The following SIN3B variants were observed in gnomAD, a reference collection of about 807,000 sequenced individuals.
SIN3B encodes the protein SIN3 transcription regulator family member B, also known as paired amphipathic helix protein Sin3b.
SIN3B carries 19 observed loss-of-function variants against 120.2 expected under a neutral mutation model. The observed-to-expected ratio is 0.16, with a 90% CI of 0.11 to 0.23. The LOEUF (loss-of-function observed/expected upper bound fraction) is 0.23. Among genes scored for constraint, SIN3B ranks in the 10% least tolerant of loss-of-function variants. SIN3B has a pLI of 1.00. For missense variants in SIN3B, 1,073 were observed against 1,573.0 expected, an observed-to-expected ratio of 0.68 and a Z score of 5.38; for synonymous variants, 654 against 653.2, an observed-to-expected ratio of 1.00 and a Z score of -0.02.
At chr19:16,849,193 A>G (rs980592792) in intron 5 of SIN3B, among the ~76,000 whole-genome samples, 2 of 152,244 alleles carry the variant, frequency 1.3e-5, no homozygotes, top group African/African-American at 2.4e-5. Flanking sequence ...AGAAACCAAG[A>G]TGAAATTTGG....
At chr19:16,847,960 T>G (rs1420960772) in intron 5 of SIN3B, among the ~76,000 whole-genome samples, 2 of 152,186 alleles carry the variant, frequency 1.3e-5, no homozygotes, top group African/African-American at 4.8e-5. Context: ...TTCTGTGGAT[T>G]TGATTCGCCC....
At chr19:16,844,534 C>A (rs772505929) in intron 4 of SIN3B, among the ~76,000 whole-genome samples, 2 of 152,208 alleles carry the variant, frequency 1.3e-5, no homozygotes, top group Admixed American at 6.5e-5. Context: ...TATGCATGTC[C>A]TGTGTGTGCT....
chr19:16,845,195 C>T (rs972054792), intron 4 of SIN3B, among the ~76,000 whole-genome samples: 11 of 152,162 alleles, frequency 7.2e-5, no homozygotes, highest in East Asian at 1.9e-4. Context: ...AAGTTGAGGG[C>T]GTACTATGCA....
chr19:16,864,982 A>G (rs1971743878), intron 10 of SIN3B: 2 of 154,212 alleles, frequency 1.3e-5, no homozygotes, highest in African/African-American at 4.8e-5. Flanking sequence ...TTACAGGCAC[A>G]CCACCATTCC....
At chr19:16,836,879 C>T (rs767925128) in intron 3 of SIN3B, among the ~76,000 whole-genome samples, 1 of 152,168 alleles carries the variant, frequency 6.6e-6, no homozygotes, top group Non-Finnish European at 1.5e-5. Flanking sequence ...GTCAACAAGT[C>T]GATTCTTGTG....
chr19:16,831,557 T>G lies in SIN3B; in HGVS notation c.291T>G (p.Ile97Met), dbSNP rs200751623. The G allele has an allele frequency of 3.3e-5, 54 of 1,613,938 alleles. No individual in the cohort carries two copies. Among genetic ancestry groups the G allele is most frequent in the South Asian group, 4.4e-5 (4 of 91,090 alleles). ...TCTTCCACGAGCACCCTGACCTCAT[T>G]GTTGGATTCAACGCTTTTCTTCCCC... ...SQLFHEHPDL[I>M]VGFNAFLPLG... The change falls in exon 3 of 19, where the codon ATT (isoleucine) becomes ATG (methionine). Residue 97 changes from isoleucine (I) to methionine (M), a missense_variant. This residue lies in a region of SIN3B where 395 missense variants were observed against 528.0 expected (regional missense o/e 0.75). Transcript: ENST00000248054.
chr19:16,832,191 C>CT (rs10528185), intron 3 of SIN3B, among the ~76,000 whole-genome samples: 11,634 of 121,824 alleles, frequency 0.095, 630 homozygotes, highest in Middle Eastern at 0.16. Flanking sequence ...TGCTGGCCCT[C>CT]TTTTTTTTTT....
At chr19:16,855,379 C>CA (rs912214415) in intron 8 of SIN3B, 1 of 117,336 alleles carries the variant, frequency 8.5e-6, no homozygotes, top group African/African-American at 3.4e-5. Context: ...TTCCCCCCCC[C>CA]CCCCCCAGCA....
chr19:16,835,888 G>T (rs1208014737), intron 3 of SIN3B, among the ~76,000 whole-genome samples: 1 of 152,148 alleles, frequency 6.6e-6, no homozygotes, highest in African/African-American at 2.4e-5. Flanking sequence ...TGATCCTCCT[G>T]CCTTGGCCTC....
At chr19:16,855,370 T>TCCCACCCCCCCCC (rs1971598563) in intron 8 of SIN3B, 1 of 52,944 alleles carries the variant, frequency 1.9e-5, no homozygotes, top group Non-Finnish European at 3.6e-5. Flanking sequence ...GGAGAAACCT[T>TCCCACCCCCCCCC]CCCCCCCCCC....
chr19:16,869,980 A>G lies in SIN3B; in HGVS notation c.2327A>G (p.Glu776Gly). ...CGCCAGGCGCAGAAGCAGCTTCTGGAGTATCGGACCGAGAAGGAGCGGGAG... is the reference window on the plus strand; with the variant it reads ...CGCCAGGCGCAGAAGCAGCTTCTGGGGTATCGGACCGAGAAGGAGCGGGAG... ...IYRQAQKQLL[E>G]YRTEKEREKL... Residue 776 changes from glutamate to glycine, a missense_variant, in exon 13 of 19, where the codon GAG (glutamate) becomes GGG (glycine). This residue lies in a region of SIN3B where 52 missense variants were observed against 68.8 expected (regional missense o/e 0.76). Coordinates refer to ENST00000248054, the MANE Select transcript of SIN3B (RefSeq NM_001297595.2). 1 of 1,614,060 alleles carries G rather than the reference A, an allele frequency of 6.2e-7. No homozygotes were observed. The highest frequency in any genetic ancestry group is 8.5e-7 in the Non-Finnish European group (1 of 1,180,032).
At position 16,829,429 on chromosome 19, in the gene SIN3B, C is replaced by A. The variant is rs918594935; in HGVS notation, c.9C>A (p.His3Gln). The A allele has an allele frequency of 2.5e-6, 3 of 1,206,294 alleles. No homozygotes were observed. Among genetic ancestry groups the A allele is most frequent in the Non-Finnish European group, 2.1e-6 (2 of 971,448 alleles). 74.7% of individuals were successfully genotyped at this position (1,206,294 alleles called of 1,614,324 possible). A position where few individuals can be genotyped will look rare whatever the true frequency, so the allele number is the denominator to read the frequency against. MAHAGGGSGGSGA... is the reference protein window; with the variant it reads MAQAGGGSGGSGA... Reference sequence around the variant, plus strand: ...CAGCTCCGACTTCGGACATGGCGCACGCTGGCGGTGGCAGCGGTGGCAGCG... The same window carrying A: ...CAGCTCCGACTTCGGACATGGCGCAAGCTGGCGGTGGCAGCGGTGGCAGCG... Residue 3 changes from histidine (H) to glutamine (Q), a missense_variant, in exon 1 of 19, where the codon CAC becomes CAA. Around this residue, in one of 7 missense-constraint regions of SIN3B, gnomAD observed 395 missense variants for 528.0 expected, o/e 0.75. Coordinates refer to ENST00000248054, the MANE Select transcript of SIN3B (RefSeq NM_001297595.2).
intron 4 of SIN3B, among the ~76,000 whole-genome samples, chr19:16,845,277 T>A (rs905021481): frequency 6.6e-6 from 1 of 152,038 alleles, no homozygotes. Context: ...TGTTTGATTG[T>A]TTGTTTGTTT....
At chr19:16,846,051 G>A (rs1321935917) in intron 4 of SIN3B, among the ~76,000 whole-genome samples, 1 of 152,156 alleles carries the variant, frequency 6.6e-6, no homozygotes, top group Admixed American at 6.6e-5. Context: ...GGGATTACAG[G>A]CATGAGCCAT....
intron 3 of SIN3B, among the ~76,000 whole-genome samples, chr19:16,833,944 C>T (rs1599586706): frequency 1.3e-5 from 2 of 152,030 alleles, no homozygotes; most frequent in Admixed American, 6.5e-5. Context: ...TCAGGCTGGT[C>T]TCGAACTCCT....
intron 3 of SIN3B, among the ~76,000 whole-genome samples, chr19:16,836,925 C>A (rs1193023481): frequency 6.6e-6 from 1 of 152,088 alleles, no homozygotes; most frequent in African/African-American, 2.4e-5. Context: ...AGGCGGTGAC[C>A]CCTTCTCCGA....
In SIN3B at chr19:16,865,538, G is replaced by C. The variant is rs773435664; in HGVS notation, c.1512G>C (p.Ser504=). Residue 504 remains serine (S), a synonymous_variant, in exon 11 of 19, where the codon TCG becomes TCC. Transcript: ENST00000248054. ...FRLDDSLGGT[S]EVIQRRAIYR... ...TGGACGACTCCCTGGGAGGCACGTC[G>C]GAGGTGATCCAGCGCCGTGCCATTT... The C allele has an allele frequency of 6.2e-7, 1 of 1,613,898 alleles. No homozygotes were observed. Among genetic ancestry groups the C allele is most frequent in the East Asian group, 2.2e-5 (1 of 44,858 alleles).
At chr19:16,861,436 G>A (rs371755388) in intron 8 of SIN3B, among the ~76,000 whole-genome samples, 1 of 152,110 alleles carries the variant, frequency 6.6e-6, no homozygotes, top group African/African-American at 2.4e-5. Context: ...AGACCAGCTT[G>A]GGCAACATAG....
chr19:16,851,105 C>T (rs1022524152), intron 5 of SIN3B, among the ~76,000 whole-genome samples: 1 of 152,228 alleles, frequency 6.6e-6, no homozygotes, highest in African/African-American at 2.4e-5. Flanking sequence ...CACATGAGCC[C>T]CCGCACGGGA....
Sources: gnomAD v4.1 joint callset for allele counts (sites outside exome capture counted in the v4.1 genomes callset) on GRCh38, gnomAD v4.1.1 for gene constraint, gnomAD v4.1.1 regional missense constraint, MANE v1.5 for transcripts, NCBI Gene and HGNC (gene_info 2026-07-23, HGNC 2026-07-21) for gene names.